The following PJA2 variants were observed in gnomAD, a reference collection of about 807,000 sequenced individuals.
PJA2 encodes the protein E3 ubiquitin-protein ligase Praja-2.
A neutral mutation model predicts 69.3 loss-of-function variants in PJA2; 25 were observed. That is an observed-to-expected ratio of 0.36 (90% CI 0.26 to 0.50). The LOEUF (loss-of-function observed/expected upper bound fraction) is 0.50. Ranked by LOEUF, PJA2 falls within the 20% of genes least tolerant of loss-of-function variation. PJA2 has a pLI of 0.96. For synonymous variants in PJA2, 308 were observed against 277.8 expected (o/e 1.11, Z -1.08); for missense variants, 809 against 830.2 (o/e 0.97, Z 0.31).
intron 1 of PJA2, among the ~76,000 whole-genome samples, chr5:109,408,863 G>C (rs1747753874): frequency 6.6e-6 from 1 of 152,202 alleles, no homozygotes; most frequent in Admixed American, 6.5e-5. Context: ...ATGATCCGTA[G>C]CCTTCAGCAA....
At chr5:109,345,887 T>A (rs970302548) in intron 7 of PJA2, among the ~76,000 whole-genome samples, 1 of 152,224 alleles carries the variant, frequency 6.6e-6, no homozygotes, top group African/African-American at 2.4e-5. Context: ...CATCAGATCA[T>A]GTGATCATCT....
rs945561173 is a variant in PJA2, at chr5:109,337,043, G to A, written c.*188C>T. 5 of 395,186 alleles carry A rather than the reference G, an allele frequency of 1.3e-5. No individual in the cohort carries two copies. The highest frequency in any genetic ancestry group is 2.0e-5 in the Non-Finnish European group (5 of 246,656). The allele number at this position is 395,186 out of a possible 1,614,324, so 24.5% of individuals were successfully genotyped here. A position where few individuals can be genotyped will look rare whatever the true frequency, so the allele number is the denominator to read the frequency against. ...AATGGATGCACTGTCTCAACATTCA[G>A]CTTAAAAATGTTTAATACTTTCTGC... On this transcript the variant is annotated 3_prime_UTR_variant, in exon 10 of 10. Coordinates refer to ENST00000361189, the MANE Select transcript of PJA2 (RefSeq NM_014819.5).
At chr5:109,382,546 T>C (rs1038147276) in intron 2 of PJA2, among the ~76,000 whole-genome samples, 1 of 152,184 alleles carries the variant, frequency 6.6e-6, no homozygotes, top group Non-Finnish European at 1.5e-5. Flanking sequence ...GCATATGGTA[T>C]AGTCAATAAA....
intron 4 of PJA2, among the ~76,000 whole-genome samples, chr5:109,375,338 C>A (rs1385891776): frequency 6.6e-6 from 1 of 151,676 alleles, no homozygotes; most frequent in Non-Finnish European, 1.5e-5. Context: ...GGTGAAACCC[C>A]ATCTCTACTA....
chr5:109,340,058 T>C (rs1202112713), intron 9 of PJA2, among the ~76,000 whole-genome samples: 2 of 152,190 alleles, frequency 1.3e-5, no homozygotes, highest in Non-Finnish European at 2.9e-5. Flanking sequence ...ATGCAGACAA[T>C]ACTCCTCAAA....
intron 5 of PJA2, among the ~76,000 whole-genome samples, chr5:109,367,304 T>G (rs572315123): frequency 6.6e-6 from 1 of 151,586 alleles, no homozygotes; most frequent in Non-Finnish European, 1.5e-5. Context: ...TTCCTAGATT[T>G]TCTTATAGGA....
At chr5:109,356,227 A>T (rs1222726024) in intron 6 of PJA2, among the ~76,000 whole-genome samples, 1 of 152,172 alleles carries the variant, frequency 6.6e-6, no homozygotes, top group African/African-American at 2.4e-5. Flanking sequence ...ATGAGTAGTT[A>T]AGATACCACT....
At chr5:109,366,605 A>AG (rs2127000599) in intron 5 of PJA2, among the ~76,000 whole-genome samples, 1 of 152,316 alleles carries the variant, frequency 6.6e-6, no homozygotes, top group African/African-American at 2.4e-5. Context: ...TCACATGTGT[A>AG]ATGTACTGGG....
chr5:109,409,861 G>C lies in PJA2; in HGVS notation c.-107C>G, dbSNP rs1018977540. Reference sequence around the variant, plus strand: ...CCTCACCGAAATGTGCAGCGGCTCCGGAGCGAGAACAGCGCTCGAACCTCC... The same window carrying C: ...CCTCACCGAAATGTGCAGCGGCTCCCGAGCGAGAACAGCGCTCGAACCTCC... On this transcript the variant is annotated 5_prime_UTR_variant, in exon 1 of 10. Transcript: ENST00000361189. 2.6e-5 allele frequency: 4 copies of C among 153,438 alleles called. No individual in the cohort carries two copies. The highest frequency in any genetic ancestry group is 5.7e-5 in the Non-Finnish European group (4 of 70,542). 9.5% of individuals were successfully genotyped at this position (153,438 alleles called of 1,614,324 possible). A position where few individuals can be genotyped will look rare whatever the true frequency, so the allele number is the denominator to read the frequency against.
At chr5:109,339,644 T>C (rs1762007424) in intron 9 of PJA2, among the ~76,000 whole-genome samples, 1 of 152,194 alleles carries the variant, frequency 6.6e-6, no homozygotes, top group Non-Finnish European at 1.5e-5. Flanking sequence ...CCCAATAATT[T>C]TAATAACACC....
chr5:109,356,628 T>TTA, intron 6 of PJA2, among the ~76,000 whole-genome samples: 1 of 152,212 alleles, frequency 6.6e-6, no homozygotes, highest in South Asian at 2.1e-4. Flanking sequence ...AATCCGCATG[T>TTA]AGGTGAGAAT....
rs543461304 is a variant in PJA2, at chr5:109,351,519, T to C, written c.1764+4396A>G. On this transcript the variant is annotated intron_variant, in intron 7 of 9. Coordinates refer to ENST00000361189, the MANE Select transcript of PJA2 (RefSeq NM_014819.5). ...TAGCGAAGAAGTATGATAAAATAAC[T>C]AATACTACCTAGATTTATGCTGAAA... Among the ~76,000 whole-genome samples, 18 of 152,218 alleles carry C rather than the reference T, an allele frequency of 1.2e-4. 1 individual carries two copies. In the South Asian group the frequency reaches 3.5e-3, roughly 30 times the overall value.
intron 9 of PJA2, among the ~76,000 whole-genome samples, chr5:109,341,953 A>G (rs1582580119): frequency 3.1e-5 from 3 of 95,888 alleles, no homozygotes; most frequent in Non-Finnish European, 4.3e-5. Flanking sequence ...CCTACTGGGA[A>G]GTGAGGAGCC....
At chr5:109,402,874 G>T (rs1405336050) in intron 1 of PJA2, among the ~76,000 whole-genome samples, 1 of 151,756 alleles carries the variant, frequency 6.6e-6, no homozygotes, top group Non-Finnish European at 1.5e-5. Flanking sequence ...AGTGACATAA[G>T]AACTTTAAAA....
chr5:109,389,883 A>C (rs1175480698), intron 1 of PJA2, among the ~76,000 whole-genome samples: 3 of 150,040 alleles, frequency 2.0e-5, no homozygotes, highest in Admixed American at 6.6e-5. Flanking sequence ...GTCTTGCTTA[A>C]TTTCCAAATA....
Position 109,378,743 on chromosome 5 carries a change from A to G in PJA2, c.744T>C (p.Phe248=). ...GAATTTCCTGGCTATTCTGATGGAC[A>G]AACTCAGTATCACCAGCAGAACTTT... ...LVKSSAGDTE[F]VHQNSQEIQR... is the part of the protein sequence containing the mutation. The change falls in exon 4 of 10, where the codon TTT becomes TTC. Residue 248 remains phenylalanine, a synonymous_variant. Transcript: ENST00000361189. The G allele has an allele frequency of 6.2e-7, 1 of 1,612,628 alleles. No homozygotes were observed.
chr5:109,347,342 A>G (rs927317143), intron 7 of PJA2, among the ~76,000 whole-genome samples: 1 of 152,220 alleles, frequency 6.6e-6, no homozygotes, highest in African/African-American at 2.4e-5. Context: ...AGACACAAGG[A>G]AAGGACTTTG....
intron 7 of PJA2, among the ~76,000 whole-genome samples, chr5:109,350,221 G>A (rs1762227984): frequency 1.3e-5 from 2 of 151,280 alleles, no homozygotes; most frequent in African/African-American, 2.4e-5. Context: ...GATGATCCAG[G>A]ATCACTTATA....
At chr5:109,401,187 G>A (rs1341682516) in intron 1 of PJA2, among the ~76,000 whole-genome samples, 3 of 151,980 alleles carry the variant, frequency 2.0e-5, no homozygotes, top group East Asian at 1.9e-4. Flanking sequence ...GGGAGACTGA[G>A]GCATGAGAAT....
Sources: allele counts gnomAD v4.1 joint callset (sites outside exome capture counted in the v4.1 genomes callset), GRCh38; gene constraint gnomAD v4.1.1; transcripts MANE v1.5; gene names NCBI Gene and HGNC (gene_info 2026-07-23, HGNC 2026-07-21).